The following EVC variants were observed in gnomAD, a reference collection of about 807,000 sequenced individuals.
The protein encoded by EVC is EvC ciliary complex subunit 1.
EVC carries 116 observed loss-of-function variants against 118.9 expected under a neutral mutation model. That is an observed-to-expected ratio of 0.98 (90% CI 0.84 to 1.14). The LOEUF is 1.14. EVC is among the 50% of genes most tolerant of loss of function. The pLI is 0.00. For missense variants in EVC, 1,401 were observed against 1,246.4 expected (o/e 1.12, Z -1.87); for synonymous variants, 619 against 534.7 (o/e 1.16, Z -2.18).
rs2152087375 is a variant in EVC, at chr4:5,754,998, C to A, written c.1464+1065C>A. 6.6e-6 allele frequency among the ~76,000 whole-genome samples: 1 copy of A among 152,152 alleles called. No homozygotes were observed. The highest frequency in any genetic ancestry group is 6.5e-5 in the Admixed American group (1 of 15,286). ...GGCCAAGCTGGTGGTGGTGGCACCACTGCAGTGAGAAGCCAATGGAGGGGT... is the reference window on the plus strand; with the variant it reads ...GGCCAAGCTGGTGGTGGTGGCACCAATGCAGTGAGAAGCCAATGGAGGGGT... On this transcript the variant is annotated intron_variant, in intron 10 of 20. Transcript: ENST00000264956. The surrounding 1 kb of genome is among the most constrained non-coding windows in gnomAD (Gnocchi z 5.8).
intron 11 of EVC, among the ~76,000 whole-genome samples, chr4:5,757,574 C>T (rs1731368016): frequency 6.6e-6 from 1 of 152,244 alleles, no homozygotes; most frequent in Non-Finnish European, 1.5e-5. Context: ...GGTGAGGCCT[C>T]TCTTCCGGGC....
intron 15 of EVC, among the ~76,000 whole-genome samples, chr4:5,801,330 A>T (rs947038306): frequency 6.6e-6 from 1 of 152,188 alleles, no homozygotes; most frequent in Non-Finnish European, 1.5e-5. Flanking sequence ...CATTCCAGGT[A>T]GGAGGAGGGA....
rs1731214948 is a variant in EVC at position 5,756,602 on chromosome 4, T to C, written c.1563+240T>C. ...CCATTTTTGGGGTGCTGAGGATTCT[T>C]ATCTCCACACATCCCTGTCAGCAAA... is the stretch of plus-strand genomic sequence containing the variant. On this transcript the variant is annotated intron_variant, in intron 11 of 20. Transcript: ENST00000264956. The surrounding 1 kb of genome is among the most constrained non-coding windows in gnomAD (Gnocchi z 4.2). Among the ~76,000 whole-genome samples the C allele has an allele frequency of 6.6e-6, 1 of 152,200 alleles. No homozygotes were observed. The highest frequency in any genetic ancestry group is 6.5e-5 in the Admixed American group (1 of 15,292).
At position 5,711,411 on chromosome 4, in the gene EVC, G is replaced by A. The variant is rs1041162288; in HGVS notation, c.31G>A (p.Asp11Asn). The A allele has an allele frequency of 4.9e-6, 5 of 1,022,582 alleles. No individual in the cohort carries two copies. Among genetic ancestry groups the A allele is most frequent in the African/African-American group, 1.7e-5 (1 of 57,508 alleles). 63.3% of individuals were successfully genotyped at this position (1,022,582 alleles called of 1,614,324 possible). The part of the protein sequence containing the change: MARGGAACKS[D>N]ARLLLGRDAL... ...CCGCGGCGGGGCGGCCTGCAAGAGC[G>A]ACGCGCGGCTGCTGCTGGGGCGGGA... is the stretch of plus-strand genomic sequence containing the variant. The change falls in exon 1 of 21, where the codon GAC becomes AAC. Residue 11 changes from aspartate to asparagine, a missense_variant. Transcript: ENST00000264956.
chr4:5,744,526 T>C (rs575223916), intron 6 of EVC, among the ~76,000 whole-genome samples: 45 of 152,296 alleles, frequency 3.0e-4, no homozygotes, highest in African/African-American at 8.9e-4. Context: ...GGAGGACAGA[T>C]ATAGAAATGT....
chr4:5,757,973 A>G, intron 11 of EVC: 1 of 651,776 alleles, frequency 1.5e-6, no homozygotes, highest in South Asian at 1.7e-5. Context: ...GAATGTGGCC[A>G]CACTTGGAAA....
At chr4:5,817,244 G>C (rs1246932214), downstream of EVC, among the ~76,000 whole-genome samples, 1 of 152,238 alleles carries the variant, frequency 6.6e-6, no homozygotes, top group Non-Finnish European at 1.5e-5. Context: ...AGTGGCTATA[G>C]AGGCTTCCTG....
At chr4:5,822,135 CACTT>C in the EVC span, among the ~76,000 whole-genome samples, 28 of 152,378 alleles carry the variant, frequency 1.8e-4, no homozygotes, top group Non-Finnish European at 2.9e-4. Context: ...GGTGATCAAA[CACTT>C]ACTGAGTGCC....
chr4:5,774,000 C>T lies in EVC; in HGVS notation c.1564-9552C>T, dbSNP rs538406697. Among the ~76,000 whole-genome samples, 29 of 152,150 alleles carry T rather than the reference C, an allele frequency of 1.9e-4. 1 individual carries two copies. Among genetic ancestry groups the T allele is most frequent in the African/African-American group, 6.5e-4 (27 of 41,480 alleles). On this transcript the variant is annotated intron_variant, in intron 11 of 20. Transcript: ENST00000264956. ...AAGATCCATTCCGTGGACTCTGAAC[C>T]TTCATTGGTGCATCTTCAGCCCTGG...
At chr4:5,810,634 C>T (rs1181165207) in intron 20 of EVC, among the ~76,000 whole-genome samples, 184 bp downstream of exon 20, 1 of 152,138 alleles carries the variant, frequency 6.6e-6, no homozygotes, top group African/African-American at 2.4e-5. Flanking sequence ...CCAGGGGTGC[C>T]ACATGGCTGT....
At chr4:5,774,458 TC>T (rs1459149098) in intron 11 of EVC, among the ~76,000 whole-genome samples, 1 of 151,966 alleles carries the variant, frequency 6.6e-6, no homozygotes, top group African/African-American at 2.4e-5. Context: ...TCCTTTCTAA[TC>T]CTCATAATCA....
chr4:5,787,352 G>A (rs1324717867), intron 12 of EVC, among the ~76,000 whole-genome samples: 1 of 152,234 alleles, frequency 6.6e-6, no homozygotes, highest in Non-Finnish European at 1.5e-5. Context: ...AGGATCGTGA[G>A]ATGGGGATAT....
Position 5,810,509 on chromosome 4 carries a change from CTG to C in EVC, c.2894+64_2894+65del. 2.3e-6 allele frequency: 3 copies of C among 1,321,666 alleles called. No homozygotes were observed. The East Asian group carries it at 7.2e-5, about 32-fold the overall frequency. The allele number at this position is 1,321,666 out of a possible 1,614,324, so 81.9% of individuals were successfully genotyped here. ...TGGGTTTGGTAAATGCACTCAGCTG[CTG>C]TGTGCCAAAAGTCAGGGCAGGAAAA... On this transcript the variant is annotated intron_variant, in intron 20 of 20. Coordinates refer to ENST00000264956, the MANE Select transcript of EVC (RefSeq NM_153717.3).
At chr4:5,769,263 A>G (rs913489959) in intron 11 of EVC, among the ~76,000 whole-genome samples, 2 of 152,094 alleles carry the variant, frequency 1.3e-5, no homozygotes, top group Non-Finnish European at 2.9e-5. Context: ...CTCTTTATAA[A>G]ACCATCAGAT....
chr4:5,757,079 C>T (rs543871711), intron 11 of EVC, among the ~76,000 whole-genome samples: 2 of 152,298 alleles, frequency 1.3e-5, no homozygotes, highest in Admixed American at 6.5e-5. Context: ...ATCACTTGGC[C>T]TCTAGCCCTC....
chr4:5,811,235 G>C lies in EVC; in HGVS notation c.*198G>C, dbSNP rs181401771. The C allele has an allele frequency of 5.2e-6, 3 of 575,200 alleles. No individual in the cohort carries two copies. The highest frequency in any genetic ancestry group is 6.2e-6 in the Non-Finnish European group (2 of 321,060). 35.6% of individuals were successfully genotyped at this position (575,200 alleles called of 1,614,324 possible). A position where few individuals can be genotyped will look rare whatever the true frequency, so the allele number is the denominator to read the frequency against. On this transcript the variant is annotated 3_prime_UTR_variant, in exon 21 of 21. Coordinates refer to ENST00000264956, the MANE Select transcript of EVC (RefSeq NM_153717.3). ...TCACCTGAGAAAATTAGGCATTCCC[G>C]TCTTGGAAACACGTCTCTGTGAGTT...
At chr4:5,748,716 C>T in intron 8 of EVC, among the ~76,000 whole-genome samples, 2 of 128,692 alleles carry the variant, frequency 1.6e-5, no homozygotes, top group South Asian at 2.9e-4. Context: ...ACCCATCCAC[C>T]CACCCACCCA....
intron 11 of EVC, among the ~76,000 whole-genome samples, chr4:5,760,952 C>A (rs781462202): frequency 6.6e-6 from 1 of 152,162 alleles, no homozygotes; most frequent in Non-Finnish European, 1.5e-5. Flanking sequence ...TTCCAGGTCG[C>A]CTGGCATATT....
rs549193249 is a variant in EVC at position 5,775,428 on chromosome 4, T to C, written c.1564-8124T>C. Reference sequence around the variant, plus strand: ...CTCCCAGGAGCCATCATCCAGCTGATACAGAAATCAGATCCCTAGTTTGAT... The same window carrying C: ...CTCCCAGGAGCCATCATCCAGCTGACACAGAAATCAGATCCCTAGTTTGAT... On this transcript the variant is annotated intron_variant, in intron 11 of 20. Transcript: ENST00000264956. Among the ~76,000 whole-genome samples, 226 of 152,258 alleles carry C rather than the reference T, an allele frequency of 1.5e-3. 1 individual carries two copies. The highest frequency in any genetic ancestry group is 3.4e-3 in the Middle Eastern group (1 of 294).
Sources: allele counts gnomAD v4.1 joint callset (sites outside exome capture counted in the v4.1 genomes callset), GRCh38; gene constraint gnomAD v4.1.1; non-coding constraint Gnocchi (gnomAD v3.1); transcripts MANE v1.5; gene names NCBI Gene and HGNC (gene_info 2026-07-23, HGNC 2026-07-21).